The following CDK8 variants were observed in gnomAD, a reference collection of about 807,000 sequenced individuals.
CDK8 encodes the protein cyclin dependent kinase 8.
Under a neutral mutation model 71.5 loss-of-function variants are expected in CDK8, and 29 were observed. That is an observed-to-expected ratio of 0.41 (90% CI 0.30 to 0.55). The LOEUF is 0.55. Among genes scored for constraint, CDK8 ranks in the 20% least tolerant of loss-of-function variants. The pLI, the probability that CDK8 is intolerant of heterozygous loss-of-function variation, is 0.37. For missense variants in CDK8, 288 were observed against 572.6 expected (o/e 0.50, Z 5.07); for synonymous variants, 161 against 192.1 (o/e 0.84, Z 1.34).
intron 12 of CDK8, among the ~76,000 whole-genome samples, chr13:26,402,979 C>T (rs1395494170): frequency 1.3e-5 from 2 of 152,118 alleles, no homozygotes; most frequent in African/African-American, 4.8e-5. Context: ...ATTAAATATG[C>T]TTTGAAAGAC....
intron 4 of CDK8, among the ~76,000 whole-genome samples, chr13:26,363,085 G>T (rs939049367): frequency 6.6e-6 from 1 of 150,470 alleles, no homozygotes; most frequent in African/African-American, 2.4e-5. Context: ...ACTTTGGGAG[G>T]CTGAGGTGAG....
At chr13:26,267,705 T>G (rs1287964760) in intron 1 of CDK8, among the ~76,000 whole-genome samples, 1 of 152,218 alleles carries the variant, frequency 6.6e-6, no homozygotes, top group Non-Finnish European at 1.5e-5. Flanking sequence ...AATATACTGG[T>G]CCAGTGCAAG....
At chr13:26,399,129 C>A (rs1419867391) in intron 9 of CDK8, among the ~76,000 whole-genome samples, 2 of 151,926 alleles carry the variant, frequency 1.3e-5, no homozygotes, top group Non-Finnish European at 2.9e-5. Flanking sequence ...CATGCCTCAG[C>A]CTCCCGAGTA....
intron 3 of CDK8, among the ~76,000 whole-genome samples, chr13:26,351,793 T>C (rs1171786945): frequency 6.6e-6 from 1 of 152,178 alleles, no homozygotes; most frequent in Admixed American, 6.5e-5. Context: ...CACTCCTTTA[T>C]CTATTTTAAT....
Position 26,321,820 on chromosome 13 carries a change from A to C in CDK8, c.129-15747A>C, listed in dbSNP as rs182001727. Among the ~76,000 whole-genome samples the C allele has an allele frequency of 3.1e-3, 466 of 152,092 alleles. 1 individual carries two copies. Among genetic ancestry groups the C allele is most frequent in the African/African-American group, 0.011 (451 of 41,506 alleles). ...AGATATGTAAATGTATATATTATAT[A>C]TGTTCATATTTATGCTATTTATTTT... is the stretch of plus-strand genomic sequence containing the variant. On this transcript the variant is annotated intron_variant, in intron 1 of 12. Transcript: ENST00000381527.
intron 1 of CDK8, among the ~76,000 whole-genome samples, chr13:26,329,799 C>T (rs541745721): frequency 1.1e-4 from 16 of 152,118 alleles, no homozygotes; most frequent in African/African-American, 3.1e-4. Context: ...CCACTGCACC[C>T]GGCCGCCTAT....
At chr13:26,285,321 G>T (rs1048710058) in intron 1 of CDK8, among the ~76,000 whole-genome samples, 4 of 152,138 alleles carry the variant, frequency 2.6e-5, no homozygotes, top group African/African-American at 9.7e-5. Context: ...AATCAAGTGG[G>T]TTTCATAACA....
At chr13:26,267,126 A>G (rs1381344437) in intron 1 of CDK8, among the ~76,000 whole-genome samples, 2 of 152,190 alleles carry the variant, frequency 1.3e-5, no homozygotes, top group Non-Finnish European at 2.9e-5. Flanking sequence ...TTATTGCTGA[A>G]TATCAGATGA....
At chr13:26,261,777 A>T (rs1032677727) in intron 1 of CDK8, among the ~76,000 whole-genome samples, 9 of 152,184 alleles carry the variant, frequency 5.9e-5, no homozygotes, top group African/African-American at 1.9e-4. Context: ...ATTATGTGTG[A>T]CTTGTTAGGT....
chr13:26,363,577 GTCTCAAAC>G (rs1425842121), intron 4 of CDK8, among the ~76,000 whole-genome samples: 2 of 151,976 alleles, frequency 1.3e-5, no homozygotes, highest in Admixed American at 6.6e-5. Flanking sequence ...GCCCAGGCTG[GTCTCAAAC>G]TCTTGGGCTC....
intron 1 of CDK8, among the ~76,000 whole-genome samples, chr13:26,304,746 C>T (rs530720523): frequency 6.6e-6 from 1 of 152,192 alleles, no homozygotes; most frequent in South Asian, 2.1e-4. Flanking sequence ...AAGGGGTTCT[C>T]CTGCCTCAGC....
At chr13:26,271,556 A>T (rs943726749) in intron 1 of CDK8, among the ~76,000 whole-genome samples, 3 of 152,164 alleles carry the variant, frequency 2.0e-5, no homozygotes, top group Non-Finnish European at 2.9e-5. Flanking sequence ...TTGCAATTCC[A>T]GCATTTTGGG....
intron 7 of CDK8, among the ~76,000 whole-genome samples, chr13:26,395,204 G>A (rs1875926265): frequency 6.6e-6 from 1 of 152,292 alleles, no homozygotes; most frequent in Non-Finnish European, 1.5e-5. Context: ...AAAGCTAAAG[G>A]TTTTGCGAGG....
intron 1 of CDK8, among the ~76,000 whole-genome samples, chr13:26,303,152 T>C (rs556690016): frequency 2.0e-5 from 3 of 152,206 alleles, no homozygotes; most frequent in East Asian, 3.9e-4. Flanking sequence ...TTTATCTCCT[T>C]TTAGTTTAAT....
At chr13:26,301,536 G>A (rs1873823988) in intron 1 of CDK8, among the ~76,000 whole-genome samples, 1 of 152,182 alleles carries the variant, frequency 6.6e-6, no homozygotes, top group African/African-American at 2.4e-5. Context: ...AGCATTATGA[G>A]AGATGCCATC....
chr13:26,339,524 T>C (rs1249199955), intron 2 of CDK8, among the ~76,000 whole-genome samples: 2 of 151,578 alleles, frequency 1.3e-5, no homozygotes, highest in Non-Finnish European at 2.9e-5. Context: ...AGCTTTATTC[T>C]TTGTCAGAAT....
intron 1 of CDK8, among the ~76,000 whole-genome samples, chr13:26,291,254 G>A (rs901939000): frequency 6.6e-6 from 1 of 152,132 alleles, no homozygotes; most frequent in Admixed American, 6.5e-5. Context: ...GTGTACAGTA[G>A]GCTATACCAT....
chr13:26,363,759 C>G (rs986829197), intron 4 of CDK8, among the ~76,000 whole-genome samples: 1 of 152,060 alleles, frequency 6.6e-6, no homozygotes, highest in Non-Finnish European at 1.5e-5. Context: ...CTAAGTGGGA[C>G]TTCATGTGTC....
chr13:26,280,728 C>T (rs1037116827), intron 1 of CDK8, among the ~76,000 whole-genome samples: 3 of 152,216 alleles, frequency 2.0e-5, no homozygotes, highest in Admixed American at 6.5e-5. Flanking sequence ...AATGTATACA[C>T]AGCTTTCTTC....
Sources: gnomAD v4.1 joint callset for allele counts (sites outside exome capture counted in the v4.1 genomes callset) on GRCh38, gnomAD v4.1.1 for gene constraint, MANE v1.5 for transcripts, NCBI Gene and HGNC (gene_info 2026-07-23, HGNC 2026-07-21) for gene names.